PDGFC: variants seen among roughly 807,000 people sequenced by gnomAD.
PDGFC encodes platelet derived growth factor C.
A neutral mutation model predicts 35.5 loss-of-function variants in PDGFC; 12 were observed. The ratio of observed to expected loss-of-function variants is 0.34; its 90% CI spans 0.22 to 0.55. The LOEUF (loss-of-function observed/expected upper bound fraction) is 0.55. Among genes scored for constraint, PDGFC ranks in the 20% least tolerant of loss-of-function variants. The probability of loss-of-function intolerance (pLI) is 0.91; values close to 1 mark genes in which losing one functional copy is unlikely to be tolerated. For synonymous variants in PDGFC, 159 were observed against 148.8 expected (o/e 1.07, Z -0.50); for missense variants, 322 against 412.4 (o/e 0.78, Z 1.90).
At chr4:156,902,923 A>G (rs1730824531) in intron 1 of PDGFC, among the ~76,000 whole-genome samples, 1 of 152,186 alleles carries the variant, frequency 6.6e-6, no homozygotes, top group African/African-American at 2.4e-5. Flanking sequence ...CAGGCACTTG[A>G]TAATTATTTA....
intron 2 of PDGFC, among the ~76,000 whole-genome samples, chr4:156,846,811 A>G (rs1729337114): frequency 1.3e-5 from 2 of 151,672 alleles, no homozygotes; most frequent in Admixed American, 1.3e-4. Flanking sequence ...TAAGGGGAAA[A>G]TGCCTCTTAG....
chr4:156,780,296 C>T (rs537968210), intron 3 of PDGFC, among the ~76,000 whole-genome samples: 17 of 151,932 alleles, frequency 1.1e-4, no homozygotes, highest in East Asian at 9.7e-4. Context: ...CTCAAGATAA[C>T]GCCTAACAGT....
At chr4:156,777,162 T>A (rs969696388) in intron 3 of PDGFC, among the ~76,000 whole-genome samples, 1 of 152,012 alleles carries the variant, frequency 6.6e-6, no homozygotes, top group Non-Finnish European at 1.5e-5. Flanking sequence ...ATTTTGAGAG[T>A]ACATGAAGTT....
intron 1 of PDGFC, among the ~76,000 whole-genome samples, chr4:156,914,589 T>G (rs1731114593): frequency 6.6e-6 from 1 of 152,218 alleles, no homozygotes; most frequent in Non-Finnish European, 1.5e-5. Context: ...ACCTCCTTAC[T>G]AAAGCCTATC....
chr4:156,915,389 A>G (rs1731134290), intron 1 of PDGFC, among the ~76,000 whole-genome samples: 1 of 151,956 alleles, frequency 6.6e-6, no homozygotes. Flanking sequence ...CTGGAAGCCC[A>G]CAAAGCTCAT....
At chr4:156,906,185 T>C (rs1415856156) in intron 1 of PDGFC, among the ~76,000 whole-genome samples, 1 of 152,196 alleles carries the variant, frequency 6.6e-6, no homozygotes, top group Non-Finnish European at 1.5e-5. Flanking sequence ...AGAAGTTCGG[T>C]GTACCCAAAC....
chr4:156,900,744 AG>A (rs1730748420), intron 1 of PDGFC, among the ~76,000 whole-genome samples: 1 of 152,056 alleles, frequency 6.6e-6, no homozygotes, highest in South Asian at 2.1e-4. Context: ...CTGAGGTGGG[AG>A]GATGGCTTCA....
chr4:156,861,343 T>C, intron 1 of PDGFC: 1 of 429,502 alleles, frequency 2.3e-6, no homozygotes, highest in Non-Finnish European at 4.2e-6. Flanking sequence ...GTTCATTGTA[T>C]CAAGCTTAAT....
chr4:156,836,502 A>G (rs934062255), intron 2 of PDGFC, among the ~76,000 whole-genome samples: 4 of 152,228 alleles, frequency 2.6e-5, no homozygotes, highest in Non-Finnish European at 5.9e-5. Context: ...TTTTCTTTCC[A>G]AAAGTTTTGG....
intron 1 of PDGFC, among the ~76,000 whole-genome samples, chr4:156,901,557 G>A (rs765476604): frequency 2.3e-4 from 35 of 151,146 alleles, no homozygotes; most frequent in Non-Finnish European, 4.4e-4. Context: ...TATTGGTAGC[G>A]AGAGAGAGAG....
At chr4:156,836,208 A>C (rs1729059534) in intron 2 of PDGFC, among the ~76,000 whole-genome samples, 1 of 152,118 alleles carries the variant, frequency 6.6e-6, no homozygotes, top group Non-Finnish European at 1.5e-5. Context: ...GGTGAATACA[A>C]AGAGGTCTCA....
intron 1 of PDGFC, among the ~76,000 whole-genome samples, chr4:156,958,933 A>C (rs1022097911): frequency 2.6e-5 from 4 of 152,096 alleles, no homozygotes; most frequent in Non-Finnish European, 4.4e-5. Context: ...GCAGAGTGAC[A>C]GTAACTATAA....
At chr4:156,919,048 AAATGTTAAC>A (rs1196115322) in intron 1 of PDGFC, among the ~76,000 whole-genome samples, 11 of 152,222 alleles carry the variant, frequency 7.2e-5, no homozygotes, top group African/African-American at 2.4e-4. Context: ...AGATCGATAA[AAATGTTAAC>A]AATGTTTTGT....
intron 2 of PDGFC, among the ~76,000 whole-genome samples, chr4:156,836,939 G>A (rs2111041259): frequency 6.6e-6 from 1 of 152,174 alleles, no homozygotes; most frequent in East Asian, 1.9e-4. Context: ...AGCCTGAAGA[G>A]GTAGCCTATT....
At chr4:156,805,755 G>C (rs1375543973) in intron 3 of PDGFC, among the ~76,000 whole-genome samples, 2 of 151,760 alleles carry the variant, frequency 1.3e-5, no homozygotes, top group African/African-American at 4.8e-5. Context: ...TGTCAGAAGG[G>C]ATGAAAAAAA....
chr4:156,934,298 T>C (rs78221825), intron 1 of PDGFC, among the ~76,000 whole-genome samples: 1,831 of 152,292 alleles, frequency 0.012, 49 homozygotes, highest in African/African-American at 0.041. Context: ...TACTGAAAAC[T>C]GTAGACAATT....
At chr4:156,795,365 A>G (rs1008679183) in intron 3 of PDGFC, among the ~76,000 whole-genome samples, 11 of 152,204 alleles carry the variant, frequency 7.2e-5, no homozygotes, top group African/African-American at 2.7e-4. Flanking sequence ...TTGCATTAAA[A>G]GGTATCTTTA....
chr4:156,827,792 C>T (rs1365471331), intron 2 of PDGFC, among the ~76,000 whole-genome samples: 1 of 151,330 alleles, frequency 6.6e-6, no homozygotes, highest in Admixed American at 6.5e-5. Flanking sequence ...AAGGTCAATA[C>T]AGCACTGTTA....
At chr4:156,825,274 C>T (rs1439603337) in intron 2 of PDGFC, among the ~76,000 whole-genome samples, 1 of 151,328 alleles carries the variant, frequency 6.6e-6, no homozygotes, top group African/African-American at 2.4e-5. Flanking sequence ...TAAGGCCAGG[C>T]GTGGTGACTC....
Sources: gnomAD v4.1 joint callset for allele counts (sites outside exome capture counted in the v4.1 genomes callset) on GRCh38, gnomAD v4.1.1 for gene constraint, MANE v1.5 for transcripts, NCBI Gene and HGNC (gene_info 2026-07-23, HGNC 2026-07-21) for gene names.